Variants in TRPM3 observed in about 807,000 individuals in gnomAD.
TRPM3 encodes long transient receptor potential channel 3.
A neutral mutation model predicts 181.2 loss-of-function variants in TRPM3; 77 were observed. That is an observed-to-expected ratio of 0.42 (90% CI 0.35 to 0.51). The LOEUF is 0.51. Among genes scored for constraint, TRPM3 ranks in the 20% least tolerant of loss-of-function variants. The pLI is 0.01. For missense variants in TRPM3, 1,759 were observed against 2,196.7 expected, an observed-to-expected ratio of 0.80 and a Z score of 3.98; for synonymous variants, 745 against 796.4, an observed-to-expected ratio of 0.94 and a Z score of 1.09.
rs2094784009 is a variant in TRPM3 at position 70,843,101 on chromosome 9, A to G, written c.703T>C (p.Leu235=). ...CGAGACTTAGAGGCATGATCCTTCAAGGCATCGCCAACATGACGAATAACA... is the reference window on the plus strand; with the variant it reads ...CGAGACTTAGAGGCATGATCCTTCAGGGCATCGCCAACATGACGAATAACA... ...TGVIRHVGDA[L]KDHASKSRGK... is the part of the protein sequence containing the mutation. The change falls in exon 5 of 26, where the codon TTG becomes CTG. Residue 235 remains leucine, a synonymous_variant. Transcript: ENST00000677713. 6 of 1,610,232 alleles carry G rather than the reference A, an allele frequency of 3.7e-6. No homozygotes were observed. The highest frequency in any genetic ancestry group is 5.1e-6 in the Non-Finnish European group (6 of 1,179,080).
Position 70,553,303 on chromosome 9 carries a change from A to G in TRPM3, c.3231T>C (p.Cys1077=). Residue 1077 remains cysteine (C), a synonymous_variant, in exon 23 of 26, where the codon TGT becomes TGC. Coordinates refer to ENST00000677713, the MANE Select transcript of TRPM3 (RefSeq NM_001366145.2). ...EVFADQIDPP[C]GQNETREDGK... ...CATCCTCTCGGGTCTCATTCTGTCC[A>G]CAGGGAGCTGGAGGGAGCAACACAC... is the stretch of plus-strand genomic sequence containing the variant. 3 of 1,614,148 alleles carry G rather than the reference A, an allele frequency of 1.9e-6. No homozygotes were observed. The highest frequency in any genetic ancestry group is 2.5e-6 in the Non-Finnish European group (3 of 1,180,014).
At chr9:71,216,908 T>C (rs2079902703) in intron 1 of TRPM3, among the ~76,000 whole-genome samples, 1 of 150,658 alleles carries the variant, frequency 6.6e-6, no homozygotes, top group African/African-American at 2.4e-5. Flanking sequence ...ACAGCACAAG[T>C]TTTGCACAAG....
intron 19 of TRPM3, among the ~76,000 whole-genome samples, chr9:70,605,095 C>T (rs1029800498): frequency 6.6e-6 from 1 of 151,618 alleles, no homozygotes; most frequent in African/African-American, 2.4e-5. Context: ...GCTGGGATTA[C>T]AGGCACCCAT....
intron 1 of TRPM3, among the ~76,000 whole-genome samples, chr9:71,425,139 T>C (rs2093841351): frequency 6.6e-6 from 1 of 152,132 alleles, no homozygotes; most frequent in Non-Finnish European, 1.5e-5. Flanking sequence ...ATAGCTCTTC[T>C]ACTAAATAAA....
chr9:70,744,831 G>C lies in TRPM3; in HGVS notation c.1272+16770C>G, dbSNP rs146473658. On this transcript the variant is annotated intron_variant, in intron 8 of 25. Transcript: ENST00000677713. ...TCCTACTTTACCGTCATTTTAACTT[G>C]ATCATACTTAATAATTAGAATATTG... is the stretch of plus-strand genomic sequence containing the variant. Among the ~76,000 whole-genome samples the C allele has an allele frequency of 3.9e-3, 594 of 152,222 alleles. 5 individuals are homozygous for C. Among genetic ancestry groups the C allele is most frequent in the African/African-American group, 0.014 (576 of 41,532 alleles).
intron 1 of TRPM3, among the ~76,000 whole-genome samples, chr9:71,066,687 C>A (rs997738606): frequency 6.6e-6 from 1 of 152,206 alleles, no homozygotes; most frequent in Admixed American, 6.5e-5. Flanking sequence ...TTACTGCTGA[C>A]TAGCACTGAA....
intron 1 of TRPM3, among the ~76,000 whole-genome samples, chr9:71,208,513 T>C (rs774988260): frequency 1.3e-5 from 2 of 152,192 alleles, no homozygotes; most frequent in Non-Finnish European, 2.9e-5. Flanking sequence ...GAATAAACAG[T>C]TCAAATTGCC....
intron 9 of TRPM3, among the ~76,000 whole-genome samples, chr9:70,656,494 C>G (rs983517464): frequency 6.6e-6 from 1 of 152,064 alleles, no homozygotes; most frequent in Non-Finnish European, 1.5e-5. Context: ...TGGCCTATGC[C>G]CAGGAATGAA....
intron 1 of TRPM3, among the ~76,000 whole-genome samples, chr9:70,938,611 T>G (rs2096853096): frequency 6.6e-6 from 1 of 152,186 alleles, no homozygotes; most frequent in Admixed American, 6.5e-5. Context: ...GTAGTGTTAT[T>G]TATGTCTCCC....
intron 1 of TRPM3, among the ~76,000 whole-genome samples, chr9:71,205,324 C>T (rs1021040427): frequency 6.6e-6 from 1 of 151,996 alleles, no homozygotes; most frequent in African/African-American, 2.4e-5. Context: ...GAAATAAGTA[C>T]TATTTTTACT....
At chr9:70,668,267 G>C (rs1424267594) in intron 9 of TRPM3, among the ~76,000 whole-genome samples, 1 of 152,096 alleles carries the variant, frequency 6.6e-6, no homozygotes, top group African/African-American at 2.4e-5. Context: ...AAGATACTTA[G>C]CCTCTCCATA....
intron 1 of TRPM3, among the ~76,000 whole-genome samples, chr9:71,034,752 T>C (rs1423528257): frequency 2.0e-5 from 3 of 151,610 alleles, no homozygotes; most frequent in African/African-American, 7.3e-5. Flanking sequence ...GGGTCTTTAC[T>C]ATTTTTTTTT....
chr9:70,674,563 A>C (rs1031979590), intron 9 of TRPM3, among the ~76,000 whole-genome samples: 4 of 151,334 alleles, frequency 2.6e-5, no homozygotes, highest in Admixed American at 1.3e-4. Flanking sequence ...TATATATATA[A>C]TTTTTTTTTT....
chr9:71,090,414 A>G (rs995839459), intron 1 of TRPM3, among the ~76,000 whole-genome samples: 2 of 152,148 alleles, frequency 1.3e-5, no homozygotes, highest in Admixed American at 1.3e-4. Flanking sequence ...TAGTTCTCAC[A>G]AGCAGATGAA....
rs182170184 is a variant in TRPM3, at chr9:71,009,266, A to G, written c.177+111912T>C. ...TAAAGGGCACTCAAAACAGAAAGGA[A>G]GAAGGGCACCCAAATCAGAAAGGAA... On this transcript the variant is annotated intron_variant, in intron 1 of 25. Transcript: ENST00000677713. Among the ~76,000 whole-genome samples the G allele has an allele frequency of 3.6e-3, 551 of 152,284 alleles. 3 individuals are homozygous for G. Among genetic ancestry groups the G allele is most frequent in the Middle Eastern group, 0.014 (4 of 294 alleles).
intron 1 of TRPM3, among the ~76,000 whole-genome samples, chr9:71,225,887 C>T (rs2080576903): frequency 6.6e-6 from 1 of 151,644 alleles, no homozygotes; most frequent in Admixed American, 6.6e-5. Flanking sequence ...AAACTCCTTA[C>T]CTCAGATTAT....
At chr9:71,439,635 A>T (rs1393709692) in intron 1 of TRPM3, among the ~76,000 whole-genome samples, 6 of 152,202 alleles carry the variant, frequency 3.9e-5, no homozygotes, top group African/African-American at 1.4e-4. Context: ...ACTGGGATCC[A>T]GACAATCAAG....
intron 1 of TRPM3, among the ~76,000 whole-genome samples, chr9:71,405,347 C>T (rs1022993582): frequency 1.3e-5 from 2 of 152,048 alleles, no homozygotes; most frequent in East Asian, 1.9e-4. Context: ...AAAAATGGTA[C>T]AAATAATCAT....
chr9:70,653,694 A>C (rs1204125728), intron 9 of TRPM3, among the ~76,000 whole-genome samples: 1 of 150,922 alleles, frequency 6.6e-6, no homozygotes, highest in African/African-American at 2.4e-5. Flanking sequence ...AAAAAAAAAA[A>C]AAAAAACAAA....
Sources: gnomAD v4.1 joint callset for allele counts (sites outside exome capture counted in the v4.1 genomes callset) on GRCh38, gnomAD v4.1.1 for gene constraint, MANE v1.5 for transcripts, NCBI Gene and HGNC (gene_info 2026-07-23, HGNC 2026-07-21) for gene names.